The following RSPO2 variants were observed in gnomAD, a reference collection of about 807,000 sequenced individuals.
RSPO2 encodes the protein R-spondin-2.
A neutral mutation model predicts 30.9 loss-of-function variants in RSPO2; 14 were observed. The observed-to-expected ratio is 0.45, with a 90% CI of 0.30 to 0.71. RSPO2 has a LOEUF of 0.71. Ranked by LOEUF, RSPO2 falls within the 30% of genes least tolerant of loss-of-function variation. RSPO2 has a pLI of 0.08. For missense variants in RSPO2, 264 were observed against 301.9 expected (o/e 0.87, Z 0.93); for synonymous variants, 107 against 96.4 (o/e 1.11, Z -0.64).
At chr8:107,919,651 C>A (rs1812089806) in intron 5 of RSPO2, among the ~76,000 whole-genome samples, 1 of 152,072 alleles carries the variant, frequency 6.6e-6, no homozygotes, top group Admixed American at 6.6e-5. Flanking sequence ...TGGCCCCCAC[C>A]CAGGAACTGA....
At chr8:108,015,977 G>A (rs977214801) in intron 2 of RSPO2, among the ~76,000 whole-genome samples, 6 of 152,266 alleles carry the variant, frequency 3.9e-5, no homozygotes, top group East Asian at 1.9e-4. Flanking sequence ...CTATTCCAGC[G>A]GAGGCACAAG....
intron 5 of RSPO2, among the ~76,000 whole-genome samples, chr8:107,922,139 T>C (rs892433186): frequency 1.3e-5 from 2 of 152,090 alleles, no homozygotes; most frequent in African/African-American, 4.8e-5. Context: ...GGCATCCAAA[T>C]AAAAACAGAG....
At chr8:108,078,168 G>A (rs1428545177) in intron 2 of RSPO2, among the ~76,000 whole-genome samples, 2 of 152,182 alleles carry the variant, frequency 1.3e-5, no homozygotes, top group African/African-American at 4.8e-5. Context: ...AGAAAGCCCA[G>A]GGCCTAGGGG....
At chr8:108,058,818 C>G (rs891390186) in intron 2 of RSPO2, among the ~76,000 whole-genome samples, 2 of 151,678 alleles carry the variant, frequency 1.3e-5, no homozygotes, top group African/African-American at 4.9e-5. Context: ...AAACCGGATC[C>G]CTTCGTTACA....
At chr8:108,038,356 T>C (rs561205983) in intron 2 of RSPO2, among the ~76,000 whole-genome samples, 33 of 152,286 alleles carry the variant, frequency 2.2e-4, no homozygotes, top group African/African-American at 7.7e-4. Flanking sequence ...TTGCTTCTTA[T>C]GGATAAGCAA....
intron 2 of RSPO2, among the ~76,000 whole-genome samples, chr8:107,994,942 A>G (rs1814964486): frequency 6.6e-6 from 1 of 152,070 alleles, no homozygotes; most frequent in African/African-American, 2.4e-5. Context: ...CTTGCAGCAA[A>G]TCTACACAGA....
intron 5 of RSPO2, among the ~76,000 whole-genome samples, chr8:107,949,236 A>G (rs541202609): frequency 6.6e-5 from 10 of 152,238 alleles, no homozygotes; most frequent in South Asian, 2.1e-4. Flanking sequence ...GCTCCTACTT[A>G]TAAGTGAGAA....
At chr8:108,028,966 T>G (rs1811316154) in intron 2 of RSPO2, among the ~76,000 whole-genome samples, 1 of 151,768 alleles carries the variant, frequency 6.6e-6, no homozygotes, top group African/African-American at 2.4e-5. Flanking sequence ...CTAATTTTTT[T>G]TTTTTGAATC....
At chr8:107,952,675 A>G (rs1247858960) in intron 5 of RSPO2, among the ~76,000 whole-genome samples, 2 of 152,228 alleles carry the variant, frequency 1.3e-5, no homozygotes, top group African/African-American at 2.4e-5. Context: ...ACCCTGTCCC[A>G]TTGAAAAATA....
In RSPO2 at chr8:108,082,652, C is replaced by CG. The variant is rs1813246558; in HGVS notation, c.-15dup. On this transcript the variant is annotated 5_prime_UTR_variant, in exon 2 of 6. Coordinates refer to ENST00000276659, the MANE Select transcript of RSPO2 (RefSeq NM_178565.5). ...GCGAAACTGCATCTGGGCGGTCGGG[C>CG]GGGGGAGAGACGCCTCTCAAAGTCT... 2 of 1,608,854 alleles carry CG rather than the reference C, an allele frequency of 1.2e-6. No individual in the cohort carries two copies. The highest frequency in any genetic ancestry group is 1.3e-5 in the African/African-American group (1 of 74,932).
At position 108,002,003 on chromosome 8, in the gene RSPO2, T is replaced by C. The variant is rs1192468403; in HGVS notation, c.95-12759A>G. Reference sequence around the variant, plus strand: ...AACCAACATGGCACATATATACCTATGTAACAAACATGCACATTCTGCACA... The same window carrying C: ...AACCAACATGGCACATATATACCTACGTAACAAACATGCACATTCTGCACA... On this transcript the variant is annotated intron_variant, in intron 2 of 5. Transcript: ENST00000276659. Among the ~76,000 whole-genome samples, 9 of 152,246 alleles carry C rather than the reference T, an allele frequency of 5.9e-5. No homozygotes were observed. The East Asian group carries it at 9.7e-4, about 16-fold the overall frequency.
chr8:108,045,143 C>T (rs779545125), intron 2 of RSPO2, among the ~76,000 whole-genome samples: 1 of 152,044 alleles, frequency 6.6e-6, no homozygotes, highest in African/African-American at 2.4e-5. Flanking sequence ...AACACACAGC[C>T]TACAGAATGG....
At chr8:107,918,229 T>C (rs1476565867) in intron 5 of RSPO2, among the ~76,000 whole-genome samples, 2 of 152,204 alleles carry the variant, frequency 1.3e-5, no homozygotes, top group Non-Finnish European at 1.5e-5. Context: ...TAAAATATAC[T>C]CCTATGAACA....
chr8:108,054,433 A>G (rs1812174899), intron 2 of RSPO2, among the ~76,000 whole-genome samples: 1 of 152,126 alleles, frequency 6.6e-6, no homozygotes. Context: ...AGACTCTTCT[A>G]CAGGAGGTTT....
At chr8:107,997,461 C>T (rs919153409) in intron 2 of RSPO2, among the ~76,000 whole-genome samples, 3 of 152,128 alleles carry the variant, frequency 2.0e-5, no homozygotes, top group Admixed American at 2.0e-4. Flanking sequence ...CTTATCATTC[C>T]AACCAAAACA....
chr8:107,922,027 C>A (rs960634500), intron 5 of RSPO2, among the ~76,000 whole-genome samples: 2 of 152,058 alleles, frequency 1.3e-5, no homozygotes, highest in African/African-American at 4.8e-5. Context: ...AGCATTCCCC[C>A]TGAAAACTGG....
chr8:108,020,736 G>A (rs533698541), intron 2 of RSPO2, among the ~76,000 whole-genome samples: 1 of 151,948 alleles, frequency 6.6e-6, no homozygotes, highest in Non-Finnish European at 1.5e-5. Context: ...ACCTATAAAG[G>A]AACATGCAAT....
chr8:107,904,783 T>G (rs370767609), intron 5 of RSPO2, among the ~76,000 whole-genome samples: 1 of 152,032 alleles, frequency 6.6e-6, no homozygotes, highest in African/African-American at 2.4e-5. Flanking sequence ...TGTGAAAAAG[T>G]TGTGGCCCTA....
At chr8:108,076,983 C>A (rs906487450) in intron 2 of RSPO2, among the ~76,000 whole-genome samples, 13 of 152,046 alleles carry the variant, frequency 8.6e-5, no homozygotes, top group African/African-American at 2.7e-4. Flanking sequence ...GATAAGATAT[C>A]ACCATAGGAA....
Sources: allele counts gnomAD v4.1 joint callset (sites outside exome capture counted in the v4.1 genomes callset), GRCh38; gene constraint gnomAD v4.1.1; transcripts MANE v1.5; gene names NCBI Gene and HGNC (gene_info 2026-07-23, HGNC 2026-07-21).